Variants in ITGAD observed in about 807,000 individuals in gnomAD.
The protein encoded by ITGAD is integrin subunit alpha D.
In ITGAD, 105 loss-of-function variants were observed where a neutral mutation model predicts 139.0. The ratio of observed to expected loss-of-function variants is 0.76; its 90% CI spans 0.65 to 0.89. ITGAD has a LOEUF of 0.89. Ranked by LOEUF, ITGAD falls within the 40% of genes least tolerant of loss-of-function variation. ITGAD has a pLI of 0.00. For missense variants in ITGAD, 1,384 were observed against 1,487.3 expected, an observed-to-expected ratio of 0.93 and a Z score of 1.14; for synonymous variants, 569 against 598.3, an observed-to-expected ratio of 0.95 and a Z score of 0.71.
In ITGAD at chr16:31,410,885, C is replaced by T. The variant is rs199957346; in HGVS notation, c.1356+7C>T. 1,384 of 1,457,928 alleles carry T rather than the reference C, an allele frequency of 9.5e-4. 4 individuals carry two copies. Among genetic ancestry groups the T allele is most frequent in the Admixed American group, 8.4e-3 (442 of 52,874 alleles). 90.3% of individuals were successfully genotyped at this position (1,457,928 alleles called of 1,614,324 possible). Reference sequence around the variant, plus strand: ...CGAAGTCACAGGGACGCAGGTTGGGCGTGACAGGAGCCAGAGGGGAGGATG... The same window carrying T: ...CGAAGTCACAGGGACGCAGGTTGGGTGTGACAGGAGCCAGAGGGGAGGATG... On this transcript the variant is annotated splice_region_variant and intron_variant, in intron 12 of 29. Coordinates refer to ENST00000389202, the MANE Select transcript of ITGAD (RefSeq NM_005353.3).
At chr16:31,397,221 T>A in intron 2 of ITGAD, 138 bp from the exon 3 acceptor site, 1 of 638,332 alleles carries the variant, frequency 1.6e-6, no homozygotes, top group Non-Finnish European at 2.8e-6. Flanking sequence ...TTTCTGAATA[T>A]TCTGCCAAGT....
rs373658199 is a variant in ITGAD, at chr16:31,407,665, C to G, written c.855C>G (p.Ile285Met). 6.2e-7 allele frequency: 1 copy of G among 1,614,098 alleles called. No homozygotes were observed. The highest frequency in any genetic ancestry group is 1.1e-5 in the South Asian group (1 of 91,070). ...AEKAGIIRYA[I>M]GVGHAFQGPT... ...AGGCTGGCATCATCCGCTACGCTAT[C>G]GGGGTGCGCCTCTTCTTCACCCCTG... Residue 285 changes from isoleucine to methionine, a missense_variant, in exon 8 of 30, where the codon ATC becomes ATG. Physicochemically the swap from Ile to Met is conservative, Grantham distance 10. Coordinates refer to ENST00000389202, the MANE Select transcript of ITGAD (RefSeq NM_005353.3).
rs945911878 is a variant in ITGAD at position 31,409,928 on chromosome 16, A to G, written c.1084-467A>G. ...GCCTGTCTCAAAAAAAAAAAAAAAAAAAAGAAAGGATGAAGTTGACTCTTC... is the reference window on the plus strand; with the variant it reads ...GCCTGTCTCAAAAAAAAAAAAAAAAGAAAGAAAGGATGAAGTTGACTCTTC... On this transcript the variant is annotated intron_variant, in intron 10 of 29. Coordinates refer to ENST00000389202, the MANE Select transcript of ITGAD (RefSeq NM_005353.3). 5.3e-5 allele frequency among the ~76,000 whole-genome samples: 8 copies of G among 151,394 alleles called. No homozygotes were observed. The South Asian group carries it at 1.0e-3, about 20-fold the overall frequency.
rs758200378 is a variant in ITGAD at position 31,423,154 on chromosome 16, G to C, written c.2821G>C (p.Asp941His). Residue 941 changes from aspartate (D) to histidine (H), a missense_variant, in exon 24 of 30, where the codon GAT becomes CAT. Asp to His is a moderately conservative substitution (Grantham distance 81, BLOSUM62 -1). Transcript: ENST00000389202. The stretch of plus-strand genomic sequence containing the variant: ...CAAGTACTTCAACTTTGCAACCTCC[G>C]ATGAGAAGAAAATGAAAGAGGCTGA... ...STKYFNFATS[D>H]EKKMKEAEHR... The C allele has an allele frequency of 6.2e-7, 1 of 1,614,016 alleles. No individual in the cohort carries two copies.
Position 31,414,993 on chromosome 16 carries a change from T to G in ITGAD, c.2283+2T>G. The G allele has an allele frequency of 1.2e-6, 2 of 1,613,958 alleles. No individual in the cohort carries two copies. Among genetic ancestry groups the G allele is most frequent in the Non-Finnish European group, 1.7e-6 (2 of 1,179,952 alleles). ...TCACAAGACCTCTTCACTGCTTCTGTGAGTCTTCTGATGAAGTCCCAGGGA... is the reference window on the plus strand; with the variant it reads ...TCACAAGACCTCTTCACTGCTTCTGGGAGTCTTCTGATGAAGTCCCAGGGA... On this transcript the variant is annotated splice_donor_variant, in intron 18 of 29. Coordinates refer to ENST00000389202, the MANE Select transcript of ITGAD (RefSeq NM_005353.3). LOFTEE classifies it high-confidence loss of function.
chr16:31,418,163 A>T lies in ITGAD; in HGVS notation c.2588A>T (p.Asn863Ile). The T allele has an allele frequency of 6.2e-7, 1 of 1,613,994 alleles. No individual in the cohort carries two copies. Among genetic ancestry groups the T allele is most frequent in the African/African-American group, 1.3e-5 (1 of 74,972 alleles). ...CTAAGAAGCAGCCGCTGCAGTGTCA[A>T]CCACCCCATCTTCCATGAGGGCTCT... ...EGLRSSRCSV[N>I]HPIFHEGSNG... The change falls in exon 21 of 30, where the codon AAC becomes ATC. Residue 863 changes from asparagine to isoleucine, a missense_variant. Asn to Ile is a moderately radical substitution (Grantham distance 149). Transcript: ENST00000389202.
Position 31,423,861 on chromosome 16 carries a change from A to G in ITGAD, c.3062A>G (p.Asp1021Gly), listed in dbSNP as rs768587594. The change falls in exon 27 of 30, where the codon GAC (aspartate) becomes GGC (glycine). Residue 1021 changes from aspartate to glycine, a missense_variant. By Grantham distance (94) the Asp-to-Gly change is moderately conservative. Transcript: ENST00000389202. ...RSPMLDCSIA[D>G]CLQFRCDVPS... Reference sequence around the variant, plus strand: ...TGCCCCCAGGACTGCTCCATTGCTGACTGCCTGCAGTTCCGCTGTGACGTC... The same window carrying G: ...TGCCCCCAGGACTGCTCCATTGCTGGCTGCCTGCAGTTCCGCTGTGACGTC... The G allele has an allele frequency of 5.0e-6, 8 of 1,614,124 alleles. No individual in the cohort carries two copies. The highest frequency in any genetic ancestry group is 2.2e-5 in the East Asian group (1 of 44,880).
At chr16:31,400,847 C>T (rs1195681530) in intron 5 of ITGAD, among the ~76,000 whole-genome samples, 1 of 152,170 alleles carries the variant, frequency 6.6e-6, no homozygotes, top group Non-Finnish European at 1.5e-5. Context: ...CTCAAGTAAT[C>T]CGCCCACCTC....
At chr16:31,405,272 AC>A (rs2081509000) in intron 7 of ITGAD, among the ~76,000 whole-genome samples, 1 of 152,214 alleles carries the variant, frequency 6.6e-6, no homozygotes, top group Non-Finnish European at 1.5e-5. Flanking sequence ...GGCGTGAGCC[AC>A]CATGCCCAGC....
At chr16:31,409,243 C>T (rs900175733) in intron 10 of ITGAD, among the ~76,000 whole-genome samples, 27 of 151,782 alleles carry the variant, frequency 1.8e-4, no homozygotes, top group African/African-American at 6.1e-4. Context: ...TGCACTGAGC[C>T]GAGATTGTGC....
At chr16:31,393,529 G>C in intron 1 of ITGAD, 138 bp downstream of exon 1, 1 of 866,042 alleles carries the variant, frequency 1.2e-6, no homozygotes, top group African/African-American at 1.6e-5. Context: ...TCATGTGCGA[G>C]TGGCCCGGAG....
rs2081456241 is a variant in ITGAD at position 31,403,447 on chromosome 16, A to C, written c.559-53A>C. 3 of 1,597,564 alleles carry C rather than the reference A, an allele frequency of 1.9e-6. No individual in the cohort carries two copies. Among genetic ancestry groups the C allele is most frequent in the Non-Finnish European group, 2.6e-6 (3 of 1,169,920 alleles). ...CCTGTCTCTACAAAAAATTAAAATA[A>C]AAACAATAGTAACAGGCACTGAGCC... is the stretch of plus-strand genomic sequence containing the variant. On this transcript the variant is annotated intron_variant, in intron 6 of 29. Coordinates refer to ENST00000389202, the MANE Select transcript of ITGAD (RefSeq NM_005353.3). The surrounding 1 kb of genome is among the most constrained non-coding windows in gnomAD (Gnocchi z 4.4).
intron 16 of ITGAD, among the ~76,000 whole-genome samples, chr16:31,413,629 G>A (rs982320283): frequency 1.3e-5 from 2 of 152,146 alleles, no homozygotes; most frequent in African/African-American, 4.8e-5. Context: ...ACTCCCCTGC[G>A]TAACCCGCCT....
chr16:31,411,600 C>A, intron 14 of ITGAD, 83 bp downstream of exon 14: 1 of 1,299,624 alleles, frequency 7.7e-7, no homozygotes, highest in Non-Finnish European at 1.1e-6. Flanking sequence ...GTCTCTGTCA[C>A]CATTCCCTTC....
intron 10 of ITGAD, among the ~76,000 whole-genome samples, chr16:31,409,118 C>T (rs895271770): frequency 6.6e-6 from 1 of 152,030 alleles, no homozygotes; most frequent in African/African-American, 2.4e-5. Flanking sequence ...CATGGCGAAA[C>T]CCCACCTCTA....
At chr16:31,401,804 G>A (rs558705400) in intron 5 of ITGAD, among the ~76,000 whole-genome samples, 4 of 152,352 alleles carry the variant, frequency 2.6e-5, no homozygotes, top group South Asian at 4.1e-4. Context: ...TCCAGAACAC[G>A]CGCCCTGAAC....
chr16:31,416,837 C>T (rs1001262099), intron 20 of ITGAD, among the ~76,000 whole-genome samples, 191 bp downstream of exon 20: 3 of 152,038 alleles, frequency 2.0e-5, no homozygotes, highest in African/African-American at 7.2e-5. Context: ...TTAAACAAAC[C>T]ATAGAGTTAA....
intron 10 of ITGAD, 116 bp downstream of exon 10, chr16:31,408,614 G>A: frequency 1.2e-6 from 1 of 869,554 alleles, no homozygotes; most frequent in Non-Finnish European, 1.8e-6. Context: ...AATCGCCAGG[G>A]AGAGGCCCCC....
Position 31,417,925 on chromosome 16 carries a change from T to G in ITGAD, c.2500-150T>G, listed in dbSNP as rs1173397605. 7.7e-6 allele frequency: 5 copies of G among 653,174 alleles called. No individual in the cohort carries two copies. The East Asian group carries it at 1.3e-4, about 17-fold the overall frequency. 40.5% of individuals were successfully genotyped at this position (653,174 alleles called of 1,614,324 possible). A position where few individuals can be genotyped will look rare whatever the true frequency, so the allele number is the denominator to read the frequency against. Reference sequence around the variant, plus strand: ...TCATGCCATTGCACTCCAGCCTGGGTGACAAGAGTGAAATCCGTCTCAAAA... The same window carrying G: ...TCATGCCATTGCACTCCAGCCTGGGGGACAAGAGTGAAATCCGTCTCAAAA... On this transcript the variant is annotated intron_variant, in intron 20 of 29. Transcript: ENST00000389202.
Sources: gnomAD v4.1 joint callset for allele counts (sites outside exome capture counted in the v4.1 genomes callset) on GRCh38, gnomAD v4.1.1 for gene constraint, Gnocchi (gnomAD v3.1) non-coding constraint, MANE v1.5 for transcripts, NCBI Gene and HGNC (gene_info 2026-07-23, HGNC 2026-07-21) for gene names.